DCDC1: variants seen among roughly 807,000 people sequenced by gnomAD.
DCDC1 encodes the protein doublecortin domain-containing protein 1.
A neutral mutation model predicts 178.3 loss-of-function variants in DCDC1; 200 were observed. The observed-to-expected ratio is 1.12, with a 90% CI of 1.00 to 1.26. DCDC1 has a LOEUF of 1.26. Ranked by LOEUF, DCDC1 falls within the 50% of genes most tolerant of loss-of-function variation. The pLI, the probability that DCDC1 is intolerant of heterozygous loss-of-function variation, is 0.00. For missense variants in DCDC1, 1,983 were observed against 1,749.2 expected, an observed-to-expected ratio of 1.13 and a Z score of -2.38; for synonymous variants, 690 against 604.8, an observed-to-expected ratio of 1.14 and a Z score of -2.07.
intron 9 of DCDC1, among the ~76,000 whole-genome samples, chr11:31,202,952 T>C (rs983342415): frequency 2.0e-5 from 3 of 152,202 alleles, no homozygotes; most frequent in Non-Finnish European, 2.9e-5. Context: ...AACATGTGAC[T>C]GTTGGTCAGA....
chr11:31,133,242 T>C (rs1258175948), intron 10 of DCDC1, among the ~76,000 whole-genome samples: 1 of 152,152 alleles, frequency 6.6e-6, no homozygotes, highest in Non-Finnish European at 1.5e-5. Flanking sequence ...AATCCACCCA[T>C]GTTATTAAGG....
Position 31,362,632 on chromosome 11 carries a change from A to G in DCDC1, c.-125+7065T>C, listed in dbSNP as rs1049024520. The stretch of plus-strand genomic sequence containing the variant: ...GTCTGTTACTTTAACTATCTATCAC[A>G]CCAAAAAACTCATTAAAGAAATTGC... On this transcript the variant is annotated intron_variant, in intron 1 of 38. Transcript: ENST00000684477. 3.3e-5 allele frequency among the ~76,000 whole-genome samples: 5 copies of G among 152,284 alleles called. No homozygotes were observed. The East Asian group carries it at 9.6e-4, about 29-fold the overall frequency.
At chr11:31,119,834 G>A (rs1960538433) in intron 11 of DCDC1, among the ~76,000 whole-genome samples, 1 of 146,008 alleles carries the variant, frequency 6.8e-6, no homozygotes, top group South Asian at 2.1e-4. Context: ...ATGTAAAGAG[G>A]CCTGGGAACT....
intron 38 of DCDC1, among the ~76,000 whole-genome samples, chr11:30,875,219 T>C (rs1304723574): frequency 6.6e-6 from 1 of 152,182 alleles, no homozygotes; most frequent in Admixed American, 6.6e-5. Flanking sequence ...TGCTTTGTAG[T>C]TGCTTATGGC....
intron 17 of DCDC1, among the ~76,000 whole-genome samples, chr11:31,079,081 G>A (rs749654679): frequency 2.6e-5 from 4 of 152,118 alleles, no homozygotes; most frequent in Non-Finnish European, 4.4e-5. Flanking sequence ...CTAATGAGGG[G>A]ATTCTTGGAA....
intron 20 of DCDC1, among the ~76,000 whole-genome samples, chr11:30,970,153 A>G (rs1245438817): frequency 3.3e-5 from 5 of 152,126 alleles, no homozygotes; most frequent in African/African-American, 9.7e-5. Flanking sequence ...CATTTCCACA[A>G]TAGACTCCTG....
intron 20 of DCDC1, among the ~76,000 whole-genome samples, chr11:31,034,900 A>G (rs1953923982): frequency 6.6e-6 from 1 of 152,198 alleles, no homozygotes; most frequent in African/African-American, 2.4e-5. Flanking sequence ...CATTTTATAT[A>G]CACATTAACT....
intron 25 of DCDC1, among the ~76,000 whole-genome samples, chr11:30,917,912 C>A (rs1945966573): frequency 6.6e-6 from 1 of 152,180 alleles, no homozygotes. Flanking sequence ...CCTGTGCTAG[C>A]AGAGCTGACC....
chr11:31,280,103 C>T (rs1946317632), intron 7 of DCDC1, among the ~76,000 whole-genome samples: 1 of 151,924 alleles, frequency 6.6e-6, no homozygotes, highest in Non-Finnish European at 1.5e-5. Flanking sequence ...ACACATAAAC[C>T]ACACTAAAAT....
chr11:31,124,207 T>A (rs532161661), intron 11 of DCDC1, among the ~76,000 whole-genome samples: 3 of 152,180 alleles, frequency 2.0e-5, no homozygotes, highest in Admixed American at 6.6e-5. Flanking sequence ...AATAGCCAGT[T>A]TATTGAGAGT....
At chr11:31,238,716 A>G (rs1976746931) in intron 9 of DCDC1, among the ~76,000 whole-genome samples, 1 of 152,168 alleles carries the variant, frequency 6.6e-6, no homozygotes, top group Admixed American at 6.6e-5. Flanking sequence ...TGCAAAGATT[A>G]CCAATTAAAT....
At chr11:31,024,594 A>T (rs1953099601) in intron 20 of DCDC1, among the ~76,000 whole-genome samples, 1 of 151,940 alleles carries the variant, frequency 6.6e-6, no homozygotes, top group South Asian at 2.1e-4. Flanking sequence ...ATAGAAAAAT[A>T]TAAAGAAGCA....
At chr11:30,944,728 C>T (rs1947893026) in intron 21 of DCDC1, among the ~76,000 whole-genome samples, 1 of 152,112 alleles carries the variant, frequency 6.6e-6, no homozygotes, top group South Asian at 2.1e-4. Context: ...GACCCTTAGA[C>T]TGAGTCATTT....
chr11:31,315,672 A>T, intron 3 of DCDC1, among the ~76,000 whole-genome samples: 1 of 98,652 alleles, frequency 1.0e-5, no homozygotes, highest in Non-Finnish European at 2.1e-5. Flanking sequence ...TTTTTTATTA[A>T]ACTCTAAGTT....
chr11:31,351,510 T>C lies in DCDC1; in HGVS notation c.-124-15946A>G, dbSNP rs532834808. Among the ~76,000 whole-genome samples the C allele has an allele frequency of 9.9e-5, 15 of 152,262 alleles. No homozygotes were observed. In the South Asian group the frequency reaches 3.1e-3, roughly 32 times the overall value. On this transcript the variant is annotated intron_variant, in intron 1 of 38. Coordinates refer to ENST00000684477, the MANE Select transcript of DCDC1 (RefSeq NM_001387274.1). ...GGAGATACATGTAATTCTTTAGAAA[T>C]AGAAGATTATCATGTAGCAATGGAG...
At chr11:31,093,773 T>C (rs1957959965) in intron 16 of DCDC1, among the ~76,000 whole-genome samples, 1 of 152,208 alleles carries the variant, frequency 6.6e-6, no homozygotes, top group Non-Finnish European at 1.5e-5. Context: ...ATGATGAGTC[T>C]GTGGACTACA....
intron 7 of DCDC1, among the ~76,000 whole-genome samples, chr11:31,289,244 C>T (rs1947050165): frequency 6.6e-6 from 1 of 151,948 alleles, no homozygotes; most frequent in Admixed American, 6.6e-5. Context: ...CTGAAGTGAA[C>T]TCAAGAGGTT....
chr11:31,324,693 T>A (rs533773531), intron 3 of DCDC1, among the ~76,000 whole-genome samples: 1 of 152,150 alleles, frequency 6.6e-6, no homozygotes, highest in African/African-American at 2.4e-5. Flanking sequence ...ATTTTTGGAA[T>A]GCTGAAGTTG....
chr11:31,269,577 G>A (rs560932147), intron 7 of DCDC1, among the ~76,000 whole-genome samples: 4 of 152,022 alleles, frequency 2.6e-5, no homozygotes, highest in South Asian at 4.2e-4. Flanking sequence ...TAGAGATGGG[G>A]CCTAGCTATG....
Sources: allele counts gnomAD v4.1 joint callset (sites outside exome capture counted in the v4.1 genomes callset), GRCh38; gene constraint gnomAD v4.1.1; transcripts MANE v1.5; gene names NCBI Gene and HGNC (gene_info 2026-07-23, HGNC 2026-07-21).